ANK2: variants seen among roughly 807,000 people sequenced by gnomAD.
The protein encoded by ANK2 is ankyrin-2.
Under a neutral mutation model 360.5 loss-of-function variants are expected in ANK2, and 83 were observed. The observed-to-expected ratio is 0.23, with a 90% CI of 0.19 to 0.28. The LOEUF is 0.28. Ranked by LOEUF, ANK2 falls within the 10% of genes least tolerant of loss-of-function variation. The pLI, the probability that ANK2 is intolerant of heterozygous loss-of-function variation, is 1.00. For missense variants in ANK2, 4,201 were observed against 4,795.7 expected (o/e 0.88, Z 3.66); for synonymous variants, 1,740 against 1,759.5 (o/e 0.99, Z 0.28).
chr4:112,740,572 C>T, the ANK2 span, among the ~76,000 whole-genome samples: 109 of 152,136 alleles, frequency 7.2e-4, 1 homozygote, highest in Middle Eastern at 0.014. Context: ...GGTGTGGTGG[C>T]ACACGCCTGT....
chr4:112,749,640 T>C, the ANK2 span, among the ~76,000 whole-genome samples: 12 of 152,286 alleles, frequency 7.9e-5, no homozygotes, highest in African/African-American at 2.9e-4. Flanking sequence ...TGTACCATGA[T>C]GTTTGTGGAA....
intron 1 of ANK2, among the ~76,000 whole-genome samples, chr4:113,132,630 A>G (rs1214922630): frequency 1.3e-5 from 2 of 152,178 alleles, no homozygotes; most frequent in African/African-American, 4.8e-5. Context: ...GGGATCTGAC[A>G]TTAGATCTGT....
intron 43 of ANK2, chr4:113,372,413 T>C (rs1474327731): frequency 4.8e-6 from 3 of 630,982 alleles, no homozygotes; most frequent in African/African-American, 3.7e-5. Context: ...CTCTACCAAC[T>C]TGTCCATCAA....
At position 113,074,520 on chromosome 4, in the gene ANK2, G is replaced by A. The variant is rs147942997; in HGVS notation, c.84+24708G>A. The stretch of plus-strand genomic sequence containing the variant: ...AAAGGCAGTACATGGCCAAGTCCCT[G>A]TAGATATGCAAAGGACACTGTTTTA... On this transcript the variant is annotated intron_variant, in intron 1 of 45. Coordinates refer to ENST00000357077, the MANE Select transcript of ANK2 (RefSeq NM_001148.6). 1.9e-3 allele frequency among the ~76,000 whole-genome samples: 297 copies of A among 152,312 alleles called. 2 individuals carry two copies. Among genetic ancestry groups the A allele is most frequent in the African/African-American group, 6.8e-3 (281 of 41,570 alleles).
chr4:112,797,988 A>T, the ANK2 span: 1 of 162,262 alleles, frequency 6.2e-6, no homozygotes, highest in South Asian at 1.8e-4. Context: ...GGCTATCAAC[A>T]GAAAGGTCAC....
At chr4:112,799,823 CTTTTTTTT>C in the ANK2 span, among the ~76,000 whole-genome samples, 1,187 of 125,990 alleles carry the variant, frequency 9.4e-3, 6 homozygotes, top group Non-Finnish European at 0.013. Context: ...CAGCCCACCT[CTTTTTTTT>C]TTTTTTTTTT....
rs745900850 is a variant in ANK2 at position 113,358,881 on chromosome 4, C to T, written c.10263C>T (p.Ala3421=). 9.9e-6 allele frequency: 16 copies of T among 1,613,806 alleles called. No individual in the cohort carries two copies. The highest frequency in any genetic ancestry group is 8.3e-5 in the Admixed American group (5 of 59,962). Residue 3421 remains alanine (A), a synonymous_variant, in exon 38 of 46, where the codon GCC becomes GCT. Transcript: ENST00000357077. ...CAGAAACAGAGAGCAGAGAGAGGGC[C>T]GAGGAACTTGAGTTAGAATCAGAAG... is the stretch of plus-strand genomic sequence containing the variant. The part of the protein sequence containing the change: ...TETETESRER[A]EELELESEEG...
intron 2 of ANK2, among the ~76,000 whole-genome samples, chr4:112,979,090 C>T (rs983974471): frequency 3.9e-5 from 6 of 152,252 alleles, no homozygotes; most frequent in Middle Eastern, 3.2e-3. Flanking sequence ...GAGTTTTGCT[C>T]AGGCCTGCTG....
At chr4:113,160,570 T>G (rs1044326819) in intron 1 of ANK2, among the ~76,000 whole-genome samples, 7 of 152,188 alleles carry the variant, frequency 4.6e-5, no homozygotes, top group African/African-American at 1.7e-4. Flanking sequence ...ATTGGCCAAT[T>G]TCACCCTGTT....
chr4:113,322,906 GT>G lies in ANK2; in HGVS notation c.2900+4294del, dbSNP rs917538151. Among the ~76,000 whole-genome samples the G allele has an allele frequency of 3.9e-5, 6 of 151,974 alleles. No homozygotes were observed. In the East Asian group the frequency reaches 5.8e-4, roughly 15 times the overall value. On this transcript the variant is annotated intron_variant, in intron 26 of 45. Coordinates refer to ENST00000357077, the MANE Select transcript of ANK2 (RefSeq NM_001148.6). ...TTCATGTATTTCACAACAGCCTAGG[GT>G]TTTTTTTAGATACGTGAAGGTAAAT...
At chr4:113,140,064 G>A (rs1457768833) in intron 1 of ANK2, among the ~76,000 whole-genome samples, 1 of 151,992 alleles carries the variant, frequency 6.6e-6, no homozygotes, top group African/African-American at 2.4e-5. Context: ...TTATAAACAG[G>A]GCCAATTTGT....
chr4:112,808,890 CT>C, the ANK2 span, among the ~76,000 whole-genome samples: 1 of 152,100 alleles, frequency 6.6e-6, no homozygotes, highest in Non-Finnish European at 1.5e-5. Flanking sequence ...CAAATTCTTT[CT>C]CTGTTGCCCA....
intron 4 of ANK2, among the ~76,000 whole-genome samples, chr4:113,202,421 A>C (rs1280510244): frequency 2.0e-5 from 3 of 152,222 alleles, no homozygotes; most frequent in African/African-American, 7.2e-5. Flanking sequence ...AAAAGGACGT[A>C]GGGAATCCTG....
chr4:112,937,268 G>A (rs1375253141), intron 2 of ANK2, among the ~76,000 whole-genome samples: 2 of 151,922 alleles, frequency 1.3e-5, no homozygotes, highest in East Asian at 1.9e-4. Flanking sequence ...TATGGAAGCG[G>A]CTATAAAAGT....
At chr4:113,088,072 A>G (rs1372256821) in intron 1 of ANK2, among the ~76,000 whole-genome samples, 2 of 152,174 alleles carry the variant, frequency 1.3e-5, no homozygotes, top group Non-Finnish European at 2.9e-5. Flanking sequence ...GGTTTTTTTT[A>G]ATAAGAAATC....
chr4:112,811,312 A>G, the ANK2 span, among the ~76,000 whole-genome samples: 84 of 152,076 alleles, frequency 5.5e-4, no homozygotes, highest in African/African-American at 1.9e-3. Flanking sequence ...TTTCATTTAA[A>G]TTTTAGGTAA....
intron 2 of ANK2, among the ~76,000 whole-genome samples, chr4:112,970,381 G>C (rs1245610205): frequency 6.6e-6 from 1 of 151,698 alleles, no homozygotes; most frequent in African/African-American, 2.4e-5. Flanking sequence ...TAAAGATGTA[G>C]TCTCATTCCA....
At chr4:112,932,486 C>A (rs1283405053) in intron 2 of ANK2, among the ~76,000 whole-genome samples, 1 of 135,770 alleles carries the variant, frequency 7.4e-6, no homozygotes, top group African/African-American at 2.8e-5. Flanking sequence ...AGTGAGACTC[C>A]GTCTCAAAAA....
chr4:113,323,812 TC>T (rs1330846300), intron 26 of ANK2: 1 of 1,607,200 alleles, frequency 6.2e-7, no homozygotes, highest in African/African-American at 1.3e-5. Context: ...ACTGCATAAT[TC>T]TTTCTCTGAA....
Sources: allele counts gnomAD v4.1 joint callset (sites outside exome capture counted in the v4.1 genomes callset), GRCh38; gene constraint gnomAD v4.1.1; transcripts MANE v1.5; gene names NCBI Gene and HGNC (gene_info 2026-07-23, HGNC 2026-07-21).